Variants in ABCC12 observed in about 807,000 individuals in gnomAD.
The protein encoded by ABCC12 is ATP-binding cassette sub-family C member 12.
A neutral mutation model predicts 151.1 loss-of-function variants in ABCC12; 142 were observed. The ratio of observed to expected loss-of-function variants is 0.94; its 90% confidence interval spans 0.82 to 1.08. ABCC12 has a LOEUF of 1.08. Among genes scored for constraint, ABCC12 ranks in the 50% least tolerant of loss-of-function variants. The probability of loss-of-function intolerance (pLI) is 0.00; values close to 1 mark genes in which losing one functional copy is unlikely to be tolerated. For missense variants in ABCC12, 1,638 were observed against 1,691.1 expected (o/e 0.97, Z 0.55); for synonymous variants, 645 against 646.4 (o/e 1.00, Z 0.03).
Position 48,115,374 on chromosome 16 carries a change from C to T in ABCC12, c.1989+41G>A, listed in dbSNP as rs749334751. 6 of 1,598,006 alleles carry T rather than the reference C, an allele frequency of 3.8e-6. No individual in the cohort carries two copies. In the South Asian group the frequency reaches 6.7e-5, roughly 18 times the overall value. ...TCTGTGAGCATCAGATCCCCAGCCA[C>T]ACCCATCCCGTGACCTCCTGGATCC... On this transcript the variant is annotated intron_variant, in intron 15 of 30. Transcript: ENST00000311303.
intron 12 of ABCC12, among the ~76,000 whole-genome samples, chr16:48,122,769 G>T (rs1233836737): frequency 2.0e-5 from 3 of 152,198 alleles, no homozygotes; most frequent in African/African-American, 7.2e-5. Flanking sequence ...AATGTGTAGG[G>T]TATATTCCGT....
intron 13 of ABCC12, 136 bp downstream of exon 13, chr16:48,121,580 T>G: frequency 1.7e-6 from 2 of 1,209,244 alleles, no homozygotes; most frequent in Non-Finnish European, 2.3e-6. Context: ...CCAGTGTCTG[T>G]GTGGATCTGA....
At chr16:48,128,417 A>T (rs1289154012) in intron 11 of ABCC12, 42 bp downstream of exon 11, 8 of 1,603,004 alleles carry the variant, frequency 5.0e-6, no homozygotes, top group Non-Finnish European at 6.8e-6. Context: ...ATGTAATGCA[A>T]GGAGGAGGGC....
chr16:48,134,341 C>T (rs1260095658), intron 8 of ABCC12, among the ~76,000 whole-genome samples: 11 of 152,178 alleles, frequency 7.2e-5, no homozygotes, highest in Admixed American at 7.2e-4. Context: ...AAGGGAAATT[C>T]TAGGCACCCA....
chr16:48,107,213 G>T, intron 20 of ABCC12, 109 bp downstream of exon 20: 1 of 1,007,814 alleles, frequency 9.9e-7, no homozygotes, highest in South Asian at 1.4e-5. Flanking sequence ...AGGGCAGAGG[G>T]ATGCATGTGG....
chr16:48,137,120 C>T (rs1413120260), intron 8 of ABCC12, among the ~76,000 whole-genome samples: 1 of 150,626 alleles, frequency 6.6e-6, no homozygotes, highest in African/African-American at 2.5e-5. Context: ...AGGAGCAGTG[C>T]CTAGATGTCT....
Position 48,138,210 on chromosome 16 carries a change from C to CAGCT in ABCC12, c.979+14_979+17dup. 1.3e-6 allele frequency: 2 copies of CAGCT among 1,586,108 alleles called. No individual in the cohort carries two copies. Among genetic ancestry groups the CAGCT allele is most frequent in the Non-Finnish European group, 1.7e-6 (2 of 1,159,594 alleles). On this transcript the variant is annotated intron_variant, in intron 8 of 30. Coordinates refer to ENST00000311303, the MANE Select transcript of ABCC12 (RefSeq NM_001393797.1). ...TCTACAAGGTAAGTGGTTCTTTAAG[C>CAGCT]AGCTACTCTTGTCCTACCTTGGATA...
chr16:48,095,715 A>AT (rs1963072569), intron 24 of ABCC12, among the ~76,000 whole-genome samples: 1 of 152,114 alleles, frequency 6.6e-6, no homozygotes, highest in Non-Finnish European at 1.5e-5. Context: ...AGAAAAAAAA[A>AT]AAGAAAGAAA....
At position 48,082,816 on chromosome 16, in the gene ABCC12, AT is replaced by A. The variant is rs894793224; in HGVS notation, c.*898del. Among the ~76,000 whole-genome samples the A allele has an allele frequency of 2.0e-5, 3 of 151,974 alleles. No homozygotes were observed. Among genetic ancestry groups the A allele is most frequent in the African/African-American group, 7.3e-5 (3 of 41,376 alleles). ...AGAGCTTGCTGGATTTTCTATAAAT[AT>A]TTTTTTCCCAAATGTCACCATGAGT... On this transcript the variant is annotated 3_prime_UTR_variant, in exon 31 of 31. Transcript: ENST00000311303.
In ABCC12 at chr16:48,082,014, A is replaced by T. The variant is rs1962363290; in HGVS notation, c.*1701T>A. ...AAGGTGATGCCCACACTCAGCTGGG[A>T]GCAGCTGCTCAGAACGCTGTGGATG... On this transcript the variant is annotated 3_prime_UTR_variant, in exon 31 of 31. Coordinates refer to ENST00000311303, the MANE Select transcript of ABCC12 (RefSeq NM_001393797.1). 2.0e-5 allele frequency among the ~76,000 whole-genome samples: 3 copies of T among 152,138 alleles called. No individual in the cohort carries two copies. Among genetic ancestry groups the T allele is most frequent in the African/African-American group, 7.2e-5 (3 of 41,418 alleles).
intron 20 of ABCC12, 147 bp downstream of exon 20, chr16:48,107,175 G>A: frequency 3.9e-6 from 3 of 768,768 alleles, no homozygotes; most frequent in South Asian, 1.6e-5. Flanking sequence ...GTCCTGTGGT[G>A]TAAGCATCTG....
chr16:48,107,018 G>C (rs534295970), intron 20 of ABCC12, among the ~76,000 whole-genome samples: 6 of 152,206 alleles, frequency 3.9e-5, no homozygotes, highest in Non-Finnish European at 7.3e-5. Flanking sequence ...AAACTTACAA[G>C]AGAGGCTGTG....
intron 22 of ABCC12, among the ~76,000 whole-genome samples, chr16:48,103,214 G>A (rs1291441720): frequency 6.6e-6 from 1 of 152,106 alleles, no homozygotes; most frequent in African/African-American, 2.4e-5. Context: ...CCCACTGGCT[G>A]GGCACGTCTA....
intron 11 of ABCC12, among the ~76,000 whole-genome samples, chr16:48,127,418 G>A (rs568357163): frequency 2.0e-5 from 3 of 152,278 alleles, no homozygotes; most frequent in African/African-American, 4.8e-5. Context: ...ATCTTGAGGG[G>A]AGAGAACAAC....
intron 2 of ABCC12, among the ~76,000 whole-genome samples, chr16:48,146,980 T>C (rs1264436060): frequency 6.6e-6 from 1 of 151,810 alleles, no homozygotes; most frequent in African/African-American, 2.4e-5. Flanking sequence ...CGCACACACA[T>C]GCACACACCC....
intron 30 of ABCC12, 50 bp from the exon 31 acceptor site, chr16:48,083,851 T>C: frequency 1.2e-6 from 2 of 1,613,956 alleles, no homozygotes; most frequent in Non-Finnish European, 1.7e-6. Context: ...ATCTACCCAC[T>C]GTAAAGCTCA....
At chr16:48,133,652 T>C in intron 9 of ABCC12, 35 bp downstream of exon 9, 1 of 1,608,636 alleles carries the variant, frequency 6.2e-7, no homozygotes, top group Non-Finnish European at 8.5e-7. Flanking sequence ...CGGGGTCAGG[T>C]TGTGAAAGAG....
At chr16:48,141,621 C>T (rs74018261) in intron 4 of ABCC12, among the ~76,000 whole-genome samples, 1 of 152,324 alleles carries the variant, frequency 6.6e-6, no homozygotes, top group African/African-American at 2.4e-5. Context: ...CCATCTCTGC[C>T]ACAGTGTCAG....
chr16:48,146,793 GC>G, intron 2 of ABCC12: 1 of 215,524 alleles, frequency 4.6e-6, no homozygotes, highest in Admixed American at 5.2e-5. Context: ...CAGGGAAAGA[GC>G]CCCAAGAAAA....
Sources: allele counts gnomAD v4.1 joint callset (sites outside exome capture counted in the v4.1 genomes callset), GRCh38; gene constraint gnomAD v4.1.1; transcripts MANE v1.5; gene names NCBI Gene and HGNC (gene_info 2026-07-23, HGNC 2026-07-21).